The following FHIP1A variants were observed in gnomAD, a reference collection of about 807,000 sequenced individuals.
The protein encoded by FHIP1A is FHF complex subunit HOOK interacting protein 1A, also known as FHF complex subunit HOOK-interacting protein 1A.
A neutral mutation model predicts 88.6 loss-of-function variants in FHIP1A; 61 were observed. The ratio of observed to expected loss-of-function variants is 0.69; its 90% confidence interval spans 0.56 to 0.85. The LOEUF (loss-of-function observed/expected upper bound fraction) is 0.85. Ranked by LOEUF, FHIP1A falls within the 40% of genes least tolerant of loss-of-function variation. The probability of loss-of-function intolerance (pLI) is 0.00; values close to 1 mark genes in which losing one functional copy is unlikely to be tolerated. For synonymous variants in FHIP1A, 478 were observed against 496.0 expected, an observed-to-expected ratio of 0.96 and a Z score of 0.48; for missense variants, 1,154 against 1,273.5, an observed-to-expected ratio of 0.91 and a Z score of 1.43.
At chr4:151,564,845 C>G (rs536653127) in intron 3 of FHIP1A, among the ~76,000 whole-genome samples, 1 of 152,242 alleles carries the variant, frequency 6.6e-6, no homozygotes, top group South Asian at 2.1e-4. Context: ...CCCAAAAATT[C>G]TTTCTAAGAC....
At chr4:151,494,041 T>G (rs1334823130) in intron 3 of FHIP1A, among the ~76,000 whole-genome samples, 2 of 152,228 alleles carry the variant, frequency 1.3e-5, no homozygotes, top group Non-Finnish European at 2.9e-5. Context: ...ATTGTCCCTG[T>G]TTACTGATGA....
At chr4:151,588,280 T>C (rs1224915798) in intron 6 of FHIP1A, among the ~76,000 whole-genome samples, 1 of 152,158 alleles carries the variant, frequency 6.6e-6, no homozygotes, top group Non-Finnish European at 1.5e-5. Context: ...TTGAATATTA[T>C]CTATTTTTCT....
chr4:151,515,627 A>G (rs1322715035), intron 3 of FHIP1A, among the ~76,000 whole-genome samples: 1 of 152,164 alleles, frequency 6.6e-6, no homozygotes, highest in Non-Finnish European at 1.5e-5. Context: ...AAATCAATGT[A>G]CAAAAATCAC....
At chr4:151,469,187 A>C (rs1729428267) in intron 2 of FHIP1A, among the ~76,000 whole-genome samples, 1 of 152,180 alleles carries the variant, frequency 6.6e-6, no homozygotes, top group South Asian at 2.1e-4. Flanking sequence ...AGCCATTTGA[A>C]CTGGAAGACC....
chr4:151,627,757 T>G (rs1736005813), intron 7 of FHIP1A, among the ~76,000 whole-genome samples: 1 of 152,202 alleles, frequency 6.6e-6, no homozygotes, highest in South Asian at 2.1e-4. Flanking sequence ...ACGTCTCTAC[T>G]TTCTGGGACC....
At chr4:151,424,579 C>A (rs1454365210) in intron 1 of FHIP1A, among the ~76,000 whole-genome samples, 1 of 152,060 alleles carries the variant, frequency 6.6e-6, no homozygotes, top group Non-Finnish European at 1.5e-5. Flanking sequence ...AGGGCATAAA[C>A]CCTAAGGACT....
intron 3 of FHIP1A, among the ~76,000 whole-genome samples, chr4:151,501,995 TGA>T (rs1490436133): frequency 6.6e-6 from 1 of 151,464 alleles, no homozygotes; most frequent in East Asian, 1.9e-4. Flanking sequence ...TTATGTATGC[TGA>T]GAGAGCTGAA....
Position 151,656,986 on chromosome 4 carries a change from G to C in FHIP1A, c.2869+88G>C. ...GCCTCAGTTCACAGATGCTGCACTG[G>C]CTTCTGGATCCTAGAAGCATTCAGA... On this transcript the variant is annotated intron_variant, in intron 13 of 13. Coordinates refer to ENST00000435205, the MANE Select transcript of FHIP1A (RefSeq NM_001109977.3). This position sits in a 1 kb window ranked among gnomAD's most constrained non-coding sequence, Gnocchi z 4.2. 1 of 1,291,888 alleles carries C rather than the reference G, an allele frequency of 7.7e-7. No individual in the cohort carries two copies. The highest frequency in any genetic ancestry group is 1.1e-6 in the Non-Finnish European group (1 of 952,234). The allele number at this position is 1,291,888 out of a possible 1,614,324, so 80.0% of individuals were successfully genotyped here.
intron 3 of FHIP1A, among the ~76,000 whole-genome samples, chr4:151,545,059 A>G (rs1471650631): frequency 1.3e-5 from 2 of 152,178 alleles, no homozygotes; most frequent in Non-Finnish European, 1.5e-5. Context: ...TGGGCAACAC[A>G]GTGGGACTCT....
chr4:151,435,883 T>G (rs1728170402), intron 1 of FHIP1A, among the ~76,000 whole-genome samples: 1 of 152,154 alleles, frequency 6.6e-6, no homozygotes, highest in Non-Finnish European at 1.5e-5. Flanking sequence ...TTAAAAATAG[T>G]AATTCCTAGC....
intron 3 of FHIP1A, among the ~76,000 whole-genome samples, chr4:151,501,979 T>A (rs1193246035): frequency 6.6e-6 from 1 of 151,228 alleles, no homozygotes; most frequent in Non-Finnish European, 1.5e-5. Context: ...AGACAAAGAC[T>A]TTAAATTATG....
In FHIP1A at chr4:151,667,676, A is replaced by C. The variant is rs1361666596; in HGVS notation, c.*4922A>C. ...TGACCTCTTGCACGTAGAATCCTAA[A>C]ACTGATCATGATTTTAGCTAGGACT... On this transcript the variant is annotated 3_prime_UTR_variant, in exon 14 of 14. Coordinates refer to ENST00000435205, the MANE Select transcript of FHIP1A (RefSeq NM_001109977.3). 2.6e-5 allele frequency among the ~76,000 whole-genome samples: 4 copies of C among 152,150 alleles called. No individual in the cohort carries two copies. The highest frequency in any genetic ancestry group is 9.7e-5 in the African/African-American group (4 of 41,434).
At chr4:151,564,607 G>A (rs909993386) in intron 3 of FHIP1A, among the ~76,000 whole-genome samples, 9 of 152,188 alleles carry the variant, frequency 5.9e-5, no homozygotes, top group African/African-American at 2.2e-4. Flanking sequence ...CCACTGGACA[G>A]TGTCCACTGA....
At chr4:151,652,876 T>C (rs1737082833) in intron 11 of FHIP1A, among the ~76,000 whole-genome samples, 1 of 152,190 alleles carries the variant, frequency 6.6e-6, no homozygotes, top group African/African-American at 2.4e-5. Context: ...TGGAGAGCCT[T>C]TGGGCCAAGC....
At chr4:151,474,706 C>T (rs11099817) in intron 2 of FHIP1A, among the ~76,000 whole-genome samples, 53,458 of 152,078 alleles carry the variant, frequency 0.35, 9,997 homozygotes, top group Non-Finnish European at 0.43. Flanking sequence ...GTAATAAACA[C>T]GTGTTTATTG....
intron 2 of FHIP1A, among the ~76,000 whole-genome samples, chr4:151,473,016 A>G (rs1289255137): frequency 2.0e-5 from 3 of 152,118 alleles, no homozygotes; most frequent in Admixed American, 6.6e-5. Context: ...CAAAAAACCC[A>G]AGCCAGGAAA....
intron 3 of FHIP1A, among the ~76,000 whole-genome samples, chr4:151,483,273 C>A (rs1219541394): frequency 1.3e-5 from 2 of 151,368 alleles, no homozygotes; most frequent in Non-Finnish European, 2.9e-5. Context: ...ACCTCTAATG[C>A]TTTATAATTT....
intron 2 of FHIP1A, among the ~76,000 whole-genome samples, chr4:151,463,580 G>A (rs552536796): frequency 2.6e-5 from 4 of 152,284 alleles, no homozygotes; most frequent in Admixed American, 1.3e-4. Flanking sequence ...TAAAATATAT[G>A]CCCCCAGCCT....
At chr4:151,412,303 G>C (rs946063772) in intron 1 of FHIP1A, among the ~76,000 whole-genome samples, 1 of 151,860 alleles carries the variant, frequency 6.6e-6, no homozygotes. Context: ...ATGGGGTTTC[G>C]CCATGTTGGC....
Sources: allele counts gnomAD v4.1 joint callset (sites outside exome capture counted in the v4.1 genomes callset), GRCh38; gene constraint gnomAD v4.1.1; non-coding constraint Gnocchi (gnomAD v3.1); transcripts MANE v1.5; gene names NCBI Gene and HGNC (gene_info 2026-07-23, HGNC 2026-07-21).